ARB2A: variants seen among roughly 807,000 people sequenced by gnomAD.
ARB2A encodes the protein ARB2 cotranscriptional regulator A, also known as cotranscriptional regulator ARB2A.
the ARB2A span, among the ~76,000 whole-genome samples, chr5:93,873,490 C>T: frequency 6.6e-6 from 1 of 151,926 alleles, no homozygotes; most frequent in Non-Finnish European, 1.5e-5. Context: ...AAAAAATCTA[C>T]TGTGTTTACT....
At chr5:93,751,613 T>C in the ARB2A span, among the ~76,000 whole-genome samples, 2 of 152,166 alleles carry the variant, frequency 1.3e-5, no homozygotes, top group African/African-American at 2.4e-5. Context: ...CTGAACATCT[T>C]GAGATTTTAT....
At chr5:93,798,554 T>G in the ARB2A span, among the ~76,000 whole-genome samples, 1 of 152,116 alleles carries the variant, frequency 6.6e-6, no homozygotes, top group African/African-American at 2.4e-5. Context: ...ACTGAAACCA[T>G]TTAAATATTA....
At chr5:93,963,128 A>T in the ARB2A span, among the ~76,000 whole-genome samples, 3 of 152,144 alleles carry the variant, frequency 2.0e-5, no homozygotes, top group African/African-American at 7.2e-5. Context: ...AAATAAAATT[A>T]ACAAGAAAGG....
At chr5:94,110,885 C>G in the ARB2A span, among the ~76,000 whole-genome samples, 1 of 152,066 alleles carries the variant, frequency 6.6e-6, no homozygotes, top group South Asian at 2.1e-4. Context: ...CCAAACACAA[C>G]GAGTTTCTTG....
the ARB2A span, among the ~76,000 whole-genome samples, chr5:94,068,328 A>T: frequency 1.3e-5 from 2 of 152,234 alleles, no homozygotes; most frequent in African/African-American, 4.8e-5. Flanking sequence ...ACCTTGCTGG[A>T]TCAGGAGCAC....
the ARB2A span, among the ~76,000 whole-genome samples, chr5:93,867,449 C>T: frequency 6.6e-6 from 1 of 152,060 alleles, no homozygotes; most frequent in Non-Finnish European, 1.5e-5. Flanking sequence ...TACGGAGTCT[C>T]GCTCTGTCGC....
chr5:94,041,722 G>A, the ARB2A span, among the ~76,000 whole-genome samples: 2 of 152,216 alleles, frequency 1.3e-5, no homozygotes, highest in East Asian at 3.9e-4. Context: ...AATGCTTTCA[G>A]ATCATAAACT....
At chr5:94,065,813 C>CAGAT in the ARB2A span, among the ~76,000 whole-genome samples, 2 of 152,152 alleles carry the variant, frequency 1.3e-5, no homozygotes, top group Non-Finnish European at 2.9e-5. Context: ...CAGCATTAGA[C>CAGAT]AGATCATCTA....
chr5:93,662,569 T>C, the ARB2A span, among the ~76,000 whole-genome samples: 1 of 152,234 alleles, frequency 6.6e-6, no homozygotes, highest in African/African-American at 2.4e-5. Context: ...AATATATTTA[T>C]ACACACCTAC....
the ARB2A span, among the ~76,000 whole-genome samples, chr5:93,964,703 T>C: frequency 6.6e-6 from 1 of 152,052 alleles, no homozygotes; most frequent in African/African-American, 2.4e-5. Flanking sequence ...TGCTGCTGTA[T>C]GAATAACTAT....
chr5:93,665,094 T>C, the ARB2A span, among the ~76,000 whole-genome samples: 6 of 152,232 alleles, frequency 3.9e-5, no homozygotes, highest in African/African-American at 1.2e-4. Flanking sequence ...CCCAAAGTGC[T>C]GGGATTACAG....
At chr5:93,689,210 T>C in the ARB2A span, among the ~76,000 whole-genome samples, 1 of 152,148 alleles carries the variant, frequency 6.6e-6, no homozygotes, top group South Asian at 2.1e-4. Context: ...ACAATTTCTG[T>C]GCCACCACCC....
At chr5:93,986,307 C>T in the ARB2A span, among the ~76,000 whole-genome samples, 17 of 151,590 alleles carry the variant, frequency 1.1e-4, no homozygotes, top group African/African-American at 2.2e-4. Flanking sequence ...GCCCAGCAGC[C>T]GCCCCATCTG....
the ARB2A span, chr5:93,621,016 A>C: frequency 1.7e-5 from 27 of 1,611,048 alleles, no homozygotes; most frequent in Non-Finnish European, 2.3e-5. Flanking sequence ...ATGCGGTGGG[A>C]GCGGCGCGTC....
At chr5:93,899,340 A>G in the ARB2A span, among the ~76,000 whole-genome samples, 1 of 152,272 alleles carries the variant, frequency 6.6e-6, no homozygotes, top group East Asian at 1.9e-4. Flanking sequence ...GTCTTCTAAG[A>G]AGATCCTAAA....
the ARB2A span, among the ~76,000 whole-genome samples, chr5:93,708,997 A>G: frequency 1.3e-5 from 2 of 152,074 alleles, no homozygotes; most frequent in Admixed American, 1.3e-4. Context: ...GAAATTTGCT[A>G]AGAAAGTAGA....
At chr5:93,919,963 T>C in the ARB2A span, among the ~76,000 whole-genome samples, 1 of 152,180 alleles carries the variant, frequency 6.6e-6, no homozygotes, top group Non-Finnish European at 1.5e-5. Context: ...CCATAAAGTG[T>C]ACATTTGCTT....
chr5:93,708,926 T>A, the ARB2A span, among the ~76,000 whole-genome samples: 332 of 152,312 alleles, frequency 2.2e-3, no homozygotes, highest in African/African-American at 7.7e-3. Flanking sequence ...ATAAGATTTA[T>A]TAGTTCTGGG....
chr5:94,045,789 T>C, the ARB2A span, among the ~76,000 whole-genome samples: 1 of 152,252 alleles, frequency 6.6e-6, no homozygotes, highest in Non-Finnish European at 1.5e-5. Flanking sequence ...ATAAGAGATA[T>C]ACAGTAAACT....
Sources: allele counts gnomAD v4.1 joint callset (sites outside exome capture counted in the v4.1 genomes callset), GRCh38; gene constraint gnomAD v4.1.1; transcripts MANE v1.5; gene names NCBI Gene and HGNC (gene_info 2026-07-23, HGNC 2026-07-21).